Variants in SIK2 observed in about 807,000 individuals in gnomAD.
SIK2 encodes serine/threonine-protein kinase SIK2.
In SIK2, 29 loss-of-function variants were observed where a neutral mutation model predicts 103.2. The ratio of observed to expected loss-of-function variants is 0.28; its 90% confidence interval spans 0.21 to 0.38. The LOEUF (loss-of-function observed/expected upper bound fraction) is 0.38, where lower values mean the gene tolerates loss of function less well. Ranked by LOEUF, SIK2 falls within the 10% of genes least tolerant of loss-of-function variation. The pLI, the probability that SIK2 is intolerant of heterozygous loss-of-function variation, is 1.00. For synonymous variants in SIK2, 412 were observed against 446.1 expected (o/e 0.92, Z 0.96); for missense variants, 879 against 1,171.0 (o/e 0.75, Z 3.64).
At chr11:111,651,242 G>A (rs146586253) in intron 3 of SIK2, among the ~76,000 whole-genome samples, 1 of 152,174 alleles carries the variant, frequency 6.6e-6, no homozygotes, top group African/African-American at 2.4e-5. Flanking sequence ...GTATTTAGTT[G>A]TGTTTTTTTA....
At position 111,724,657 on chromosome 11, in the gene SIK2, A is replaced by G. The variant is rs937657686; in HGVS notation, c.*528A>G. 1 of 157,490 alleles carries G rather than the reference A, an allele frequency of 6.3e-6. No homozygotes were observed. 9.8% of individuals were successfully genotyped at this position (157,490 alleles called of 1,614,324 possible). A position where few individuals can be genotyped will look rare whatever the true frequency, so the allele number is the denominator to read the frequency against. On this transcript the variant is annotated 3_prime_UTR_variant, in exon 15 of 15. Coordinates refer to ENST00000304987, the MANE Select transcript of SIK2 (RefSeq NM_015191.3). ...CTTTGTCATTGAATCCTAAGTTCTT[A>G]GCTGCTGATGCAAGTTGTCCCCCAA...
intron 3 of SIK2, among the ~76,000 whole-genome samples, chr11:111,662,469 C>A (rs1008210453): frequency 6.6e-6 from 1 of 152,032 alleles, no homozygotes; most frequent in Non-Finnish European, 1.5e-5. Context: ...GGTAAAGGGG[C>A]CAGGTGCGGT....
In SIK2 at chr11:111,722,714, A is replaced by G. The variant is rs754439464; in HGVS notation, c.2105A>G (p.Lys702Arg). Residue 702 changes from lysine (K) to arginine (R), a missense_variant, in exon 14 of 15, where the codon AAA (lysine) becomes AGA (arginine). By Grantham distance (26) the Lys-to-Arg change is conservative. Around this residue, in one of 7 missense-constraint regions of SIK2, gnomAD observed 375 missense variants for 416.3 expected, o/e 0.90. Transcript: ENST00000304987. The surrounding 1 kb of genome is among the most constrained non-coding windows in gnomAD (Gnocchi z 4.4). Reference sequence around the variant, plus strand: ...CAGAACACCTGTCAGCTTTATTGCAAAGAACCACCGCGGAGCCTTGAGCAG... The same window carrying G: ...CAGAACACCTGTCAGCTTTATTGCAGAGAACCACCGCGGAGCCTTGAGCAG... ...KAQNTCQLYC[K>R]EPPRSLEQQL... 5.0e-6 allele frequency: 8 copies of G among 1,614,030 alleles called. No individual in the cohort carries two copies. The highest frequency in any genetic ancestry group is 6.8e-6 in the Non-Finnish European group (8 of 1,180,012).
chr11:111,685,423 A>C (rs892366564), intron 3 of SIK2, among the ~76,000 whole-genome samples: 1 of 152,228 alleles, frequency 6.6e-6, no homozygotes, highest in South Asian at 2.1e-4. Context: ...TTTGTGATAC[A>C]CATGCAGATT....
chr11:111,687,603 T>TAA (rs202002175), intron 3 of SIK2, among the ~76,000 whole-genome samples: 12 of 136,998 alleles, frequency 8.8e-5, no homozygotes, highest in South Asian at 2.4e-4. Flanking sequence ...TTGTTTTTTT[T>TAA]AAAAAAAAAA....
chr11:111,714,706 G>T (rs1943590518), intron 9 of SIK2, among the ~76,000 whole-genome samples: 1 of 152,142 alleles, frequency 6.6e-6, no homozygotes, highest in Non-Finnish European at 1.5e-5. Context: ...ATTCAAGAAG[G>T]CCGACCATGA....
At chr11:111,652,980 A>G (rs1398191593) in intron 3 of SIK2, among the ~76,000 whole-genome samples, 1 of 152,238 alleles carries the variant, frequency 6.6e-6, no homozygotes, top group Non-Finnish European at 1.5e-5. Context: ...TTAGGTAACT[A>G]TATTAAAAGG....
rs557357476 is a variant in SIK2 at position 111,644,064 on chromosome 11, G to A, written c.316+23662G>A. Among the ~76,000 whole-genome samples, 3 of 151,644 alleles carry A rather than the reference G, an allele frequency of 2.0e-5. No homozygotes were observed. In the South Asian group the frequency reaches 6.3e-4, roughly 32 times the overall value. On this transcript the variant is annotated intron_variant, in intron 3 of 14. Coordinates refer to ENST00000304987, the MANE Select transcript of SIK2 (RefSeq NM_015191.3). Reference sequence around the variant, plus strand: ...GCATTTTGGAAGGCTGAGGCGAGCGGATCACGAGGTCAGGAGTCCGAGAAC... The same window carrying A: ...GCATTTTGGAAGGCTGAGGCGAGCGAATCACGAGGTCAGGAGTCCGAGAAC...
chr11:111,685,115 A>G (rs1315115782), intron 3 of SIK2, among the ~76,000 whole-genome samples: 1 of 152,222 alleles, frequency 6.6e-6, no homozygotes, highest in Non-Finnish European at 1.5e-5. Context: ...GCAGTCCCCA[A>G]CCTTTTAAAT....
intron 3 of SIK2, among the ~76,000 whole-genome samples, chr11:111,632,067 T>C (rs1942047539): frequency 6.6e-6 from 1 of 152,014 alleles, no homozygotes; most frequent in Non-Finnish European, 1.5e-5. Flanking sequence ...AAAATAGATA[T>C]AAAAGTAGAA....
In SIK2 at chr11:111,720,723, A is replaced by G. The variant is rs1288320027; in HGVS notation, c.1741A>G (p.Arg581Gly). 1 of 1,610,166 alleles carries G rather than the reference A, an allele frequency of 6.2e-7. No individual in the cohort carries two copies. The highest frequency in any genetic ancestry group is 8.5e-7 in the Non-Finnish European group (1 of 1,178,296). ...EVHNRSPVSF[R>G]EGRRASDTSL... ...CCACAACAGGTCTCCAGTGAGCTTC[A>G]GAGAGGGCCGCAGAGCATCAGATAC... Residue 581 changes from arginine to glycine, a missense_variant, in exon 11 of 15, where the codon AGA (arginine) becomes GGA (glycine). By Grantham distance (125) the Arg-to-Gly change is moderately radical. Coordinates refer to ENST00000304987, the MANE Select transcript of SIK2 (RefSeq NM_015191.3).
chr11:111,730,458 A>G lies in SIK2; in HGVS notation c.*6329A>G, dbSNP rs550791064. ...AGTTTGAGAAATAAAAGGGATACAGAGATATCTGCACTTTGTAGAAAGGGC... is the reference window on the plus strand; with the variant it reads ...AGTTTGAGAAATAAAAGGGATACAGGGATATCTGCACTTTGTAGAAAGGGC... On this transcript the variant is annotated 3_prime_UTR_variant, in exon 15 of 15. Transcript: ENST00000304987. 2 of 152,342 alleles carry G rather than the reference A, an allele frequency of 1.3e-5. No homozygotes were observed. Among genetic ancestry groups the G allele is most frequent in the African/African-American group, 4.8e-5 (2 of 41,568 alleles). 9.4% of individuals were successfully genotyped at this position (152,342 alleles called of 1,614,324 possible). A position where few individuals can be genotyped will look rare whatever the true frequency, so the allele number is the denominator to read the frequency against.
chr11:111,688,781 A>G lies in SIK2; in HGVS notation c.478+619A>G, dbSNP rs1183761521. Among the ~76,000 whole-genome samples the G allele has an allele frequency of 6.6e-6, 1 of 152,226 alleles. No homozygotes were observed. Among genetic ancestry groups the G allele is most frequent in the Admixed American group, 6.5e-5 (1 of 15,284 alleles). ...ACTCTCATTCACTCAATAAATATGT[A>G]TCAGGTACTGTGCTATGTTAAGTAC... On this transcript the variant is annotated intron_variant, in intron 4 of 14. Transcript: ENST00000304987. This position sits in a 1 kb window ranked among gnomAD's most constrained non-coding sequence, Gnocchi z 4.2.
intron 4 of SIK2, among the ~76,000 whole-genome samples, chr11:111,695,806 A>G (rs994493295): frequency 2.0e-5 from 3 of 152,238 alleles, no homozygotes; most frequent in African/African-American, 4.8e-5. Flanking sequence ...TTAGACAACA[A>G]TCATCAGAGT....
At chr11:111,718,248 A>T (rs1002468760) in intron 9 of SIK2, among the ~76,000 whole-genome samples, 1 of 152,304 alleles carries the variant, frequency 6.6e-6, no homozygotes, top group Non-Finnish European at 1.5e-5. Flanking sequence ...AGAAAATTGT[A>T]TTAGTAGAGA....
Position 111,719,915 on chromosome 11 carries a change from C to A in SIK2, c.1407C>A (p.Ala469=). 1 of 1,614,116 alleles carries A rather than the reference C, an allele frequency of 6.2e-7. No individual in the cohort carries two copies. The part of the protein sequence containing the change: ...EGEAEEDPAH[A]FEAFQSTRSG... ...AGGCCGAGGAAGACCCCGCTCATGC[C>A]TTTGAGGCATTTCAGTCCACACGCA... Residue 469 remains alanine, a synonymous_variant, in exon 10 of 15, where the codon GCC becomes GCA. Transcript: ENST00000304987.
intron 3 of SIK2, among the ~76,000 whole-genome samples, chr11:111,621,717 C>A (rs1316653310): frequency 2.0e-5 from 3 of 152,082 alleles, no homozygotes; most frequent in Admixed American, 6.5e-5. Context: ...GAGTTCAAGA[C>A]CAGCCTGGCC....
At chr11:111,704,467 G>C (rs925970361) in intron 7 of SIK2, among the ~76,000 whole-genome samples, 6 of 152,212 alleles carry the variant, frequency 3.9e-5, no homozygotes, top group African/African-American at 2.4e-5. Context: ...AATTACCTAA[G>C]AACGGAGACA....
At position 111,666,918 on chromosome 11, in the gene SIK2, TGTA is replaced by T. The variant is rs1338625515; in HGVS notation, c.317-21080_317-21078del. Among the ~76,000 whole-genome samples, 15 of 152,016 alleles carry T rather than the reference TGTA, an allele frequency of 9.9e-5. No homozygotes were observed. In the East Asian group the frequency reaches 2.9e-3, roughly 29 times the overall value. ...TACACTCTGTATTACAGTTCCAAGA[TGTA>T]GTCATTATCTTTTTTATTTTATTTT... On this transcript the variant is annotated intron_variant, in intron 3 of 14. Transcript: ENST00000304987.
Sources: allele counts gnomAD v4.1 joint callset (sites outside exome capture counted in the v4.1 genomes callset), GRCh38; gene constraint gnomAD v4.1.1; regional missense constraint gnomAD v4.1.1; non-coding constraint Gnocchi (gnomAD v3.1); transcripts MANE v1.5; gene names NCBI Gene and HGNC (gene_info 2026-07-23, HGNC 2026-07-21).